SAFB2: variants seen among roughly 807,000 people sequenced by gnomAD.
SAFB2 encodes scaffold attachment factor B2.
Under a neutral mutation model 100.6 loss-of-function variants are expected in SAFB2, and 32 were observed. That is an observed-to-expected ratio of 0.32 (90% CI 0.24 to 0.43). The LOEUF is 0.43. Among genes scored for constraint, SAFB2 ranks in the 20% least tolerant of loss-of-function variants. SAFB2 has a pLI of 1.00. For synonymous variants in SAFB2, 500 were observed against 439.4 expected, an observed-to-expected ratio of 1.14 and a Z score of -1.72; for missense variants, 1,185 against 1,163.4, an observed-to-expected ratio of 1.02 and a Z score of -0.27.
chr19:5,594,061 C>T lies in SAFB2; in HGVS notation c.2037G>A (p.Arg679=). The T allele has an allele frequency of 1.3e-6, 2 of 1,588,812 alleles. No individual in the cohort carries two copies. Among genetic ancestry groups the T allele is most frequent in the Non-Finnish European group, 1.7e-6 (2 of 1,173,064 alleles). The change falls in exon 15 of 21, where the codon CGG becomes CGA. Residue 679 remains arginine, a synonymous_variant. Transcript: ENST00000252542. ...CCAGCCGCTCCCGCTCCATGCGCTC[C>T]CGCTCCAGCCGCTGGCGCTGGCACT... is the stretch of plus-strand genomic sequence containing the variant. ...QLECQRQRLE[R]ERMERERLER...
intron 13 of SAFB2, among the ~76,000 whole-genome samples, chr19:5,596,027 G>A (rs148816061): frequency 1.3e-5 from 2 of 152,344 alleles, no homozygotes; most frequent in East Asian, 3.9e-4. Context: ...CATTTCAGGA[G>A]GCCAAGGTGG....
In SAFB2 at chr19:5,611,472, G is replaced by C. The variant is rs1431544319; in HGVS notation, c.793C>G (p.Pro265Ala). ...GCCAAATCTAAATCACCCTCTTCCG[G>C]ATGGGCGCTGTCAAATAGGTCCTCT... ...EEEDLFDSAH[P>A]EEGDLDLASE... The change falls in exon 7 of 21, where the codon CCG becomes GCG. Residue 265 changes from proline to alanine, a missense_variant. Physicochemically the swap from Pro to Ala is conservative, Grantham distance 27 (BLOSUM62 -1). This residue lies in a region of SAFB2 where 351 missense variants were observed against 341.2 expected (regional missense o/e 1.03). Coordinates refer to ENST00000252542, the MANE Select transcript of SAFB2 (RefSeq NM_014649.3). The C allele has an allele frequency of 5.0e-6, 2 of 401,908 alleles. No homozygotes were observed. Among genetic ancestry groups the C allele is most frequent in the Admixed American group, 5.6e-5 (1 of 17,824 alleles). The allele number at this position is 401,908 out of a possible 1,614,324, so 24.9% of individuals were successfully genotyped here. A position where few individuals can be genotyped will look rare whatever the true frequency, so the allele number is the denominator to read the frequency against.
intron 2 of SAFB2, among the ~76,000 whole-genome samples, 195 bp from the exon 3 acceptor site, chr19:5,616,681 T>A (rs2145360192): frequency 8.5e-6 from 1 of 117,652 alleles, no homozygotes; most frequent in Non-Finnish European, 1.6e-5. Context: ...AGATGGAGTC[T>A]CCCTGTGTCA....
intron 4 of SAFB2, among the ~76,000 whole-genome samples, chr19:5,615,270 G>A (rs1340012444): frequency 6.6e-6 from 1 of 152,162 alleles, no homozygotes; most frequent in African/African-American, 2.4e-5. Context: ...CAGGAGAATT[G>A]CTTGAATCAG....
intron 13 of SAFB2, chr19:5,598,464 C>T (rs982956263): frequency 6.2e-6 from 2 of 323,716 alleles, no homozygotes; most frequent in Non-Finnish European, 1.2e-5. Flanking sequence ...ATTAAGTCAA[C>T]CAAAGAGTAG....
At chr19:5,613,366 ATCCAG>A (rs1346690020) in intron 5 of SAFB2, 94 bp downstream of exon 5, 2 of 1,052,636 alleles carry the variant, frequency 1.9e-6, no homozygotes, top group Non-Finnish European at 2.9e-6. Flanking sequence ...CCAGCACAGT[ATCCAG>A]TCATTTCCAT....
Position 5,611,420 on chromosome 19 carries a change from G to A in SAFB2, c.845C>T (p.Ser282Leu). The change falls in exon 7 of 21, where the codon TCG (serine) becomes TTG (leucine). Residue 282 changes from serine to leucine, a missense_variant. Ser to Leu is a moderately radical substitution (Grantham distance 145, BLOSUM62 -2). Transcript: ENST00000252542. ...LASESTAHAQ[S>L]SKADSLLAVV... Reference sequence around the variant, plus strand: ...CGCTAACAGGCTGTCTGCCTTGCTCGACTGAGCGTGTGCTGTTGACTCGCT... The same window carrying A: ...CGCTAACAGGCTGTCTGCCTTGCTCAACTGAGCGTGTGCTGTTGACTCGCT... 8.3e-6 allele frequency: 3 copies of A among 363,290 alleles called. No homozygotes were observed. The highest frequency in any genetic ancestry group is 6.4e-5 in the Admixed American group (1 of 15,652). 22.5% of individuals were successfully genotyped at this position (363,290 alleles called of 1,614,324 possible).
chr19:5,622,481 G>C (rs1251086845), intron 1 of SAFB2, 49 bp downstream of exon 1: 4 of 1,483,590 alleles, frequency 2.7e-6, no homozygotes, highest in Non-Finnish European at 3.6e-6. Flanking sequence ...GTGCAGGCGG[G>C]GGCGTGCCCG....
intron 6 of SAFB2, chr19:5,612,110 C>T (rs117002124): frequency 0.01 from 3,169 of 315,316 alleles, 21 homozygotes; most frequent in Non-Finnish European, 0.015. Context: ...AAAATTTTCA[C>T]GGAGAAACTC....
intron 5 of SAFB2, 139 bp downstream of exon 5, chr19:5,613,326 T>G (rs1161087055): frequency 1.3e-6 from 1 of 740,798 alleles, no homozygotes; most frequent in Non-Finnish European, 2.2e-6. Context: ...TGAGACTGTT[T>G]CTCTTCTGCT....
At chr19:5,613,728 G>A (rs750684932) in intron 4 of SAFB2, 7 of 985,290 alleles carry the variant, frequency 7.1e-6, no homozygotes, top group Non-Finnish European at 8.4e-6. Context: ...AGCGTCTCTG[G>A]CAGTGGCCTG....
chr19:5,597,579 G>A (rs1344766398), intron 13 of SAFB2, among the ~76,000 whole-genome samples: 1 of 152,146 alleles, frequency 6.6e-6, no homozygotes, highest in Non-Finnish European at 1.5e-5. Context: ...CACAGGGGAC[G>A]TGTGTGCAGA....
Position 5,594,117 on chromosome 19 carries a change from C to A in SAFB2, c.1981G>T (p.Ala661Ser). The change falls in exon 15 of 21, where the codon GCC becomes TCC. Residue 661 changes from alanine (A) to serine (S), a missense_variant. Coordinates refer to ENST00000252542, the MANE Select transcript of SAFB2 (RefSeq NM_014649.3). ...LEAFHERKEK[A>S]RLQRERLQLE... ...TGCAGGCGTTCCCGCTGTAGCCGGG[C>A]CTTCTCCTTCCGCTCATGGAAGGCC... 1.2e-6 allele frequency: 2 copies of A among 1,601,886 alleles called. No homozygotes were observed. Among genetic ancestry groups the A allele is most frequent in the Non-Finnish European group, 1.7e-6 (2 of 1,178,580 alleles).
intron 9 of SAFB2, 59 bp from the exon 10 acceptor site, chr19:5,604,995 T>G (rs2052743581): frequency 1.3e-6 from 2 of 1,570,886 alleles, no homozygotes; most frequent in Admixed American, 1.7e-5. Context: ...CTTGCTAAAG[T>G]TATTACCTGG....
chr19:5,616,048 G>T, intron 4 of SAFB2, 84 bp downstream of exon 4: 2 of 1,272,766 alleles, frequency 1.6e-6, no homozygotes, highest in Non-Finnish European at 2.3e-6. Flanking sequence ...CGGTTTAGCT[G>T]TGTTCTCCCT....
chr19:5,621,876 G>A (rs1403805032), intron 1 of SAFB2, among the ~76,000 whole-genome samples: 1 of 152,220 alleles, frequency 6.6e-6, no homozygotes, highest in Non-Finnish European at 1.5e-5. Context: ...TGCTCAAGTT[G>A]TTTGTTCCAG....
chr19:5,610,917 C>T (rs558413532), intron 7 of SAFB2: 2 of 728,302 alleles, frequency 2.7e-6, no homozygotes, highest in South Asian at 4.0e-5. Context: ...AATTTAAGAA[C>T]ACAACCATGG....
At chr19:5,620,884 C>T (rs2053126120) in intron 2 of SAFB2, among the ~76,000 whole-genome samples, 1 of 152,118 alleles carries the variant, frequency 6.6e-6, no homozygotes, top group African/African-American at 2.4e-5. Flanking sequence ...TGCAAATACC[C>T]CAACAATCTA....
At chr19:5,601,076 A>G (rs529307255) in intron 11 of SAFB2, among the ~76,000 whole-genome samples, 1 of 152,328 alleles carries the variant, frequency 6.6e-6, no homozygotes, top group African/African-American at 2.4e-5. Flanking sequence ...AGCTCCAGCC[A>G]TGCCAGGGAA....
Sources: gnomAD v4.1 joint callset for allele counts (sites outside exome capture counted in the v4.1 genomes callset) on GRCh38, gnomAD v4.1.1 for gene constraint, gnomAD v4.1.1 regional missense constraint, MANE v1.5 for transcripts, NCBI Gene and HGNC (gene_info 2026-07-23, HGNC 2026-07-21) for gene names.